Variants in NEBL observed in about 807,000 individuals in gnomAD.
NEBL encodes the protein nebulette, also known as LIM and SH3 protein 2.
A neutral mutation model predicts 140.2 loss-of-function variants in NEBL; 122 were observed. The ratio of observed to expected loss-of-function variants is 0.87; its 90% CI spans 0.75 to 1.01. NEBL has a LOEUF of 1.01. NEBL is among the 50% of genes least tolerant of loss of function. NEBL has a pLI of 0.00. For synonymous variants in NEBL, 436 were observed against 398.9 expected, an observed-to-expected ratio of 1.09 and a Z score of -1.11; for missense variants, 1,365 against 1,231.3, an observed-to-expected ratio of 1.11 and a Z score of -1.62.
At chr10:21,046,694 G>A (rs1330484024) in intron 2 of NEBL, among the ~76,000 whole-genome samples, 5 of 152,226 alleles carry the variant, frequency 3.3e-5, no homozygotes, top group Admixed American at 1.3e-4. Context: ...TCCGCCTACC[G>A]GGTTCACGCC....
intron 2 of NEBL, among the ~76,000 whole-genome samples, chr10:20,891,679 CTA>C (rs1847048868): frequency 6.6e-6 from 1 of 151,898 alleles, no homozygotes; most frequent in Non-Finnish European, 1.5e-5. Flanking sequence ...ATTGTAGACT[CTA>C]TTTTTTTTTC....
At chr10:21,064,429 A>G (rs915652336) in intron 2 of NEBL, among the ~76,000 whole-genome samples, 4 of 152,184 alleles carry the variant, frequency 2.6e-5, no homozygotes, top group Non-Finnish European at 5.9e-5. Context: ...ACAATGGCCA[A>G]GGATGTGGAA....
At chr10:21,154,605 C>A (rs1589291618) in intron 2 of NEBL, among the ~76,000 whole-genome samples, 1 of 152,120 alleles carries the variant, frequency 6.6e-6, no homozygotes, top group Non-Finnish European at 1.5e-5. Context: ...GCACTCAAAA[C>A]CAGCAGCACA....
At chr10:21,139,822 G>T (rs996773394) in intron 2 of NEBL, among the ~76,000 whole-genome samples, 5 of 152,004 alleles carry the variant, frequency 3.3e-5, no homozygotes, top group African/African-American at 1.2e-4. Context: ...TTTGTGTGAA[G>T]CTCAGAATAA....
At chr10:21,060,667 A>T (rs950092727) in intron 2 of NEBL, among the ~76,000 whole-genome samples, 18 of 152,084 alleles carry the variant, frequency 1.2e-4, no homozygotes, top group Non-Finnish European at 2.4e-4. Context: ...CCCTGTATGC[A>T]AAACTCTTCA....
intron 3 of NEBL, among the ~76,000 whole-genome samples, chr10:21,009,845 G>A (rs1232985475): frequency 6.6e-6 from 1 of 152,168 alleles, no homozygotes; most frequent in African/African-American, 2.4e-5. Flanking sequence ...ATGACAAGTA[G>A]GCTAGATAAT....
At chr10:21,217,172 C>A (rs150482367) in intron 3 of NEBL, among the ~76,000 whole-genome samples, 57 of 152,288 alleles carry the variant, frequency 3.7e-4, no homozygotes, top group African/African-American at 1.1e-3. Context: ...GAGAAGCTGG[C>A]ATCCCCCCAA....
intron 3 of NEBL, among the ~76,000 whole-genome samples, chr10:21,188,521 A>G (rs1189897207): frequency 6.6e-6 from 1 of 152,138 alleles, no homozygotes; most frequent in Non-Finnish European, 1.5e-5. Flanking sequence ...TAAGAGCAAA[A>G]TGCCTAAGTA....
At chr10:20,840,509 G>A (rs1040285106) in intron 13 of NEBL, among the ~76,000 whole-genome samples, 17 of 151,842 alleles carry the variant, frequency 1.1e-4, no homozygotes, top group Admixed American at 7.9e-4. Flanking sequence ...AACTATTTTC[G>A]TTTATTATAT....
At chr10:20,856,861 G>A (rs1444284135) in intron 9 of NEBL, among the ~76,000 whole-genome samples, 1 of 151,866 alleles carries the variant, frequency 6.6e-6, no homozygotes, top group African/African-American at 2.4e-5. Flanking sequence ...TTTTTAGACA[G>A]AGTCTCACTC....
At chr10:20,968,369 G>A (rs959643154) in intron 3 of NEBL, among the ~76,000 whole-genome samples, 1 of 151,878 alleles carries the variant, frequency 6.6e-6, no homozygotes, top group African/African-American at 2.4e-5. Flanking sequence ...AAATCAGCCA[G>A]GCATGGTGGT....
intron 3 of NEBL, among the ~76,000 whole-genome samples, chr10:21,018,212 T>A (rs1838637404): frequency 6.6e-6 from 1 of 152,120 alleles, no homozygotes; most frequent in South Asian, 2.1e-4. Flanking sequence ...CCCTATAAAT[T>A]TATGAAGGGA....
intron 26 of NEBL, among the ~76,000 whole-genome samples, chr10:20,791,687 C>T (rs1192834664): frequency 6.6e-6 from 1 of 152,002 alleles, no homozygotes; most frequent in African/African-American, 2.4e-5. Context: ...GAGCACTGCA[C>T]CATGCTAAGA....
chr10:21,070,190 G>A (rs1835755147), intron 2 of NEBL, among the ~76,000 whole-genome samples: 1 of 152,176 alleles, frequency 6.6e-6, no homozygotes, highest in African/African-American at 2.4e-5. Context: ...GACTGTTATG[G>A]AAAGTGCTCT....
At chr10:21,271,526 CT>C (rs541717448) in intron 1 of NEBL, among the ~76,000 whole-genome samples, 1,587 of 140,922 alleles carry the variant, frequency 0.011, 12 homozygotes, top group African/African-American at 0.029. Flanking sequence ...GTAAACAGAT[CT>C]TTTTTTTTTT....
At chr10:21,011,155 T>A (rs918406894) in intron 3 of NEBL, among the ~76,000 whole-genome samples, 3 of 152,146 alleles carry the variant, frequency 2.0e-5, no homozygotes, top group African/African-American at 7.2e-5. Flanking sequence ...ACAACCTACA[T>A]CTTATGCCCT....
chr10:21,027,828 T>C (rs1564485196), intron 2 of NEBL, among the ~76,000 whole-genome samples: 1 of 152,118 alleles, frequency 6.6e-6, no homozygotes, highest in African/African-American at 2.4e-5. Flanking sequence ...AGGAAGATGA[T>C]AGAAGGTTTA....
intron 11 of NEBL, among the ~76,000 whole-genome samples, chr10:20,846,892 A>T (rs1289821582): frequency 6.6e-6 from 1 of 152,178 alleles, no homozygotes; most frequent in African/African-American, 2.4e-5. Context: ...AGAAAGCAGT[A>T]TTTGTGAAAT....
At chr10:21,226,783 T>C (rs950621119) in intron 3 of NEBL, among the ~76,000 whole-genome samples, 3 of 152,226 alleles carry the variant, frequency 2.0e-5, no homozygotes, top group African/African-American at 4.8e-5. Context: ...CAAGACTGTC[T>C]TTCCCACCCT....
Sources: allele counts gnomAD v4.1 joint callset (sites outside exome capture counted in the v4.1 genomes callset), GRCh38; gene constraint gnomAD v4.1.1; transcripts MANE v1.5; gene names NCBI Gene and HGNC (gene_info 2026-07-23, HGNC 2026-07-21).